The following MYO9A variants were observed in gnomAD, a reference collection of about 807,000 sequenced individuals.
The protein encoded by MYO9A is unconventional myosin-IXa.
Under a neutral mutation model 293.3 loss-of-function variants are expected in MYO9A, and 103 were observed. The observed-to-expected ratio is 0.35, with a 90% CI of 0.30 to 0.41. The LOEUF (loss-of-function observed/expected upper bound fraction) is 0.41. Ranked by LOEUF, MYO9A falls within the 10% of genes least tolerant of loss-of-function variation. The pLI is 1.00. For synonymous variants in MYO9A, 1,001 were observed against 1,035.7 expected, an observed-to-expected ratio of 0.97 and a Z score of 0.64; for missense variants, 2,685 against 3,033.0, an observed-to-expected ratio of 0.89 and a Z score of 2.69.
intron 18 of MYO9A, among the ~76,000 whole-genome samples, chr15:71,917,238 T>C (rs1389255278): frequency 6.6e-6 from 1 of 152,012 alleles, no homozygotes; most frequent in Non-Finnish European, 1.5e-5. Flanking sequence ...GCCAGGGACA[T>C]ACACAAAAAC....
intron 2 of MYO9A, among the ~76,000 whole-genome samples, chr15:72,034,245 G>GC (rs1355290871): frequency 6.6e-6 from 1 of 152,138 alleles, no homozygotes; most frequent in Admixed American, 6.6e-5. Flanking sequence ...TATTGAATGA[G>GC]AAACTCTGAG....
At chr15:71,863,803 C>T (rs995799601) in intron 32 of MYO9A, among the ~76,000 whole-genome samples, 6 of 152,122 alleles carry the variant, frequency 3.9e-5, no homozygotes, top group Non-Finnish European at 8.8e-5. Flanking sequence ...AATCTCTCAT[C>T]ATCCATCCCC....
At chr15:71,848,780 C>A (rs1401829313) in intron 39 of MYO9A, 65 bp downstream of exon 39, 3 of 1,538,726 alleles carry the variant, frequency 1.9e-6, no homozygotes, top group Non-Finnish European at 8.7e-7. Flanking sequence ...GTATACACCA[C>A]AAAAGCACAT....
intron 1 of MYO9A, among the ~76,000 whole-genome samples, chr15:72,106,438 T>G (rs1007791370): frequency 2.0e-5 from 3 of 152,188 alleles, no homozygotes; most frequent in African/African-American, 7.2e-5. Context: ...GCTGCAGTGA[T>G]GTATGATTGT....
intron 1 of MYO9A, among the ~76,000 whole-genome samples, chr15:72,074,766 T>C (rs562264187): frequency 1.3e-5 from 2 of 152,252 alleles, no homozygotes; most frequent in East Asian, 1.9e-4. Context: ...TCAAGATCTA[T>C]TGTAGAGTGA....
At chr15:71,991,447 G>A (rs1480797439) in intron 10 of MYO9A, among the ~76,000 whole-genome samples, 1 of 152,050 alleles carries the variant, frequency 6.6e-6, no homozygotes, top group Non-Finnish European at 1.5e-5. Context: ...TATCCAAACT[G>A]TTAATACATA....
intron 28 of MYO9A, among the ~76,000 whole-genome samples, 166 bp downstream of exon 28, chr15:71,883,428 A>C (rs2056932124): frequency 6.6e-6 from 1 of 152,196 alleles, no homozygotes; most frequent in Admixed American, 6.5e-5. Flanking sequence ...TGTAGGAAAA[A>C]TGTAACTTTA....
chr15:71,924,844 C>A (rs188142649), intron 18 of MYO9A, among the ~76,000 whole-genome samples: 1 of 151,268 alleles, frequency 6.6e-6, no homozygotes, highest in Non-Finnish European at 1.5e-5. Flanking sequence ...CGCTTGAACT[C>A]GGGAGGTGGA....
intron 19 of MYO9A, among the ~76,000 whole-genome samples, chr15:71,905,950 T>C (rs376505201): frequency 6.6e-6 from 1 of 152,038 alleles, no homozygotes; most frequent in Non-Finnish European, 1.5e-5. Flanking sequence ...AAATTTAGAT[T>C]ATTGAATTGA....
chr15:71,880,814 G>C (rs2056850736), intron 28 of MYO9A, among the ~76,000 whole-genome samples: 2 of 152,132 alleles, frequency 1.3e-5, no homozygotes. Context: ...GCTGAAGTCT[G>C]ATATTAAAAA....
intron 25 of MYO9A, chr15:71,896,928 G>C (rs2057346690): frequency 6.6e-6 from 1 of 152,258 alleles, no homozygotes; most frequent in Non-Finnish European, 1.5e-5. Context: ...AGAAGAAAAA[G>C]TTCTAGAGAT....
rs375388122 is a variant in MYO9A at position 71,867,882 on chromosome 15, A to AAGACT, written c.5980-5276_5980-5272dup. On this transcript the variant is annotated intron_variant, in intron 32 of 41. Transcript: ENST00000356056. ...CATTGTTCACTCTTTGTAATAGCAG[A>AAGACT]AGACTAGAAGCAGCCTAATAGTCCG... is the stretch of plus-strand genomic sequence containing the variant. 4.1e-4 allele frequency among the ~76,000 whole-genome samples: 62 copies of AAGACT among 151,646 alleles called. No homozygotes were observed. The East Asian group carries it at 0.011, about 27-fold the overall frequency.
At chr15:71,924,187 T>C (rs185161003) in intron 18 of MYO9A, among the ~76,000 whole-genome samples, 45 of 152,168 alleles carry the variant, frequency 3.0e-4, no homozygotes, top group Admixed American at 1.3e-3. Flanking sequence ...TTTAATCCCT[T>C]GTCACAAAAG....
chr15:71,954,151 C>T (rs2059125362), intron 14 of MYO9A, among the ~76,000 whole-genome samples: 1 of 151,972 alleles, frequency 6.6e-6, no homozygotes, highest in Non-Finnish European at 1.5e-5. Context: ...GCCTCAACTT[C>T]CCAAAGTGCT....
chr15:72,091,384 T>C (rs1184119851), intron 1 of MYO9A, among the ~76,000 whole-genome samples: 2 of 152,212 alleles, frequency 1.3e-5, no homozygotes. Flanking sequence ...TTTCTTGTTT[T>C]TCTTTTCTTT....
At chr15:71,882,012 C>A (rs767041809) in intron 28 of MYO9A, among the ~76,000 whole-genome samples, 1 of 152,170 alleles carries the variant, frequency 6.6e-6, no homozygotes, top group Non-Finnish European at 1.5e-5. Flanking sequence ...CCATAAGATA[C>A]AAAAACAGGG....
At chr15:71,960,729 T>C (rs1330619894) in intron 13 of MYO9A, among the ~76,000 whole-genome samples, 3 of 152,222 alleles carry the variant, frequency 2.0e-5, no homozygotes, top group East Asian at 3.8e-4. Context: ...AGAATAAATA[T>C]TCTATAATTT....
At chr15:72,017,452 C>T (rs1215715668) in intron 6 of MYO9A, among the ~76,000 whole-genome samples, 2 of 152,118 alleles carry the variant, frequency 1.3e-5, no homozygotes, top group Non-Finnish European at 2.9e-5. Flanking sequence ...TCCAAGGAGG[C>T]ATGGTCACTT....
At chr15:72,112,145 A>C (rs887452390) in intron 1 of MYO9A, among the ~76,000 whole-genome samples, 3 of 152,204 alleles carry the variant, frequency 2.0e-5, no homozygotes, top group African/African-American at 7.2e-5. Flanking sequence ...AAAGAGCTAC[A>C]CAATCTTACA....
Sources: gnomAD v4.1 joint callset for allele counts (sites outside exome capture counted in the v4.1 genomes callset) on GRCh38, gnomAD v4.1.1 for gene constraint, MANE v1.5 for transcripts, NCBI Gene and HGNC (gene_info 2026-07-23, HGNC 2026-07-21) for gene names.